Variants in RNF220 observed in about 807,000 individuals in gnomAD.
RNF220 encodes the protein ring finger protein 220.
In RNF220, 7 loss-of-function variants were observed where a neutral mutation model predicts 67.1. That is an observed-to-expected ratio of 0.10 (90% CI 0.06 to 0.20). The LOEUF is 0.20. Ranked by LOEUF, RNF220 falls within the 10% of genes least tolerant of loss-of-function variation. RNF220 has a pLI of 1.00. For missense variants in RNF220, 565 were observed against 740.3 expected, an observed-to-expected ratio of 0.76 and a Z score of 2.75; for synonymous variants, 270 against 283.2, an observed-to-expected ratio of 0.95 and a Z score of 0.47.
chr1:44,422,404 T>C (rs1649325631), intron 2 of RNF220, among the ~76,000 whole-genome samples: 1 of 152,038 alleles, frequency 6.6e-6, no homozygotes, highest in Non-Finnish European at 1.5e-5. Context: ...GCCAACCTGG[T>C]GGGGCTTCAT....
intron 2 of RNF220, among the ~76,000 whole-genome samples, chr1:44,442,335 A>T (rs1420409715): frequency 6.6e-6 from 1 of 151,562 alleles, no homozygotes; most frequent in East Asian, 1.9e-4. Context: ...TAGAGATGGG[A>T]TTTCGCCATG....
chr1:44,509,494 G>T (rs1658751593), intron 2 of RNF220, among the ~76,000 whole-genome samples: 1 of 150,890 alleles, frequency 6.6e-6, no homozygotes, highest in African/African-American at 2.4e-5. Flanking sequence ...AGCTTGCAGT[G>T]AGCTGAGATC....
chr1:44,478,169 G>A (rs917296276), intron 2 of RNF220, among the ~76,000 whole-genome samples: 1 of 151,864 alleles, frequency 6.6e-6, no homozygotes, highest in Non-Finnish European at 1.5e-5. Context: ...TAGTAGAGAC[G>A]GGGTTTCACC....
chr1:44,650,148 AG>A lies in RNF220; in HGVS notation c.1629+193del. 9.5e-6 allele frequency: 6 copies of A among 628,502 alleles called. No homozygotes were observed. The South Asian group carries it at 1.2e-4, about 12-fold the overall frequency. 38.9% of individuals were successfully genotyped at this position (628,502 alleles called of 1,614,324 possible). On this transcript the variant is annotated intron_variant, in intron 14 of 14. Coordinates refer to ENST00000361799, the MANE Select transcript of RNF220 (RefSeq NM_018150.4). This position sits in a 1 kb window ranked among gnomAD's most constrained non-coding sequence, Gnocchi z 4.3. ...GCCTCTCCTCCCCAACTGCAGGTTT[AG>A]GAACTTCTCCCCCTCCATGAGTTCA...
chr1:44,550,627 A>C (rs1662552434), intron 2 of RNF220, among the ~76,000 whole-genome samples: 1 of 152,186 alleles, frequency 6.6e-6, no homozygotes, highest in Non-Finnish European at 1.5e-5. Flanking sequence ...CCTCTCTACA[A>C]TACAAAATCA....
rs138138271 is a variant in RNF220, at chr1:44,581,106, G to A, written c.626-33059G>A. Among the ~76,000 whole-genome samples the A allele has an allele frequency of 5.4e-3, 826 of 152,318 alleles. 4 individuals carry two copies. The highest frequency in any genetic ancestry group is 0.019 in the African/African-American group (797 of 41,576). On this transcript the variant is annotated intron_variant, in intron 2 of 14. Transcript: ENST00000361799. The stretch of plus-strand genomic sequence containing the variant: ...GAGTGTCCGGAAGGACTGCCTGTCT[G>A]GTGCTGATCGGGGAAGGTTCATTTG...
chr1:44,529,918 G>A (rs1660700931), intron 2 of RNF220, among the ~76,000 whole-genome samples: 1 of 152,082 alleles, frequency 6.6e-6, no homozygotes, highest in South Asian at 2.1e-4. Context: ...GCAGGGCATG[G>A]TGGTGGGCGC....
intron 2 of RNF220, among the ~76,000 whole-genome samples, chr1:44,586,522 G>A (rs270713): frequency 0.4 from 61,098 of 151,826 alleles, 13,094 homozygotes; most frequent in Middle Eastern, 0.58. Flanking sequence ...GAGCTGCTGC[G>A]GATGACACCA....
chr1:44,463,091 C>T (rs1015270352), intron 2 of RNF220, among the ~76,000 whole-genome samples: 10 of 152,142 alleles, frequency 6.6e-5, no homozygotes, highest in Non-Finnish European at 1.3e-4. Flanking sequence ...AATCCCAGCA[C>T]TTTGGGAGAC....
chr1:44,485,347 A>T (rs1373899700), intron 2 of RNF220, among the ~76,000 whole-genome samples: 1 of 152,210 alleles, frequency 6.6e-6, no homozygotes, highest in South Asian at 2.1e-4. Flanking sequence ...CTAATAACAA[A>T]AACAAATGGG....
chr1:44,498,887 G>A (rs1388667347), intron 2 of RNF220, among the ~76,000 whole-genome samples: 2 of 152,110 alleles, frequency 1.3e-5, no homozygotes, highest in African/African-American at 4.8e-5. Context: ...TGCTCATTTG[G>A]TTCCTTGACC....
intron 2 of RNF220, among the ~76,000 whole-genome samples, chr1:44,487,346 A>G (rs1656403618): frequency 6.6e-6 from 1 of 151,412 alleles, no homozygotes; most frequent in South Asian, 2.1e-4. Context: ...AAAATAAATA[A>G]ATAAATAAAT....
In RNF220 at chr1:44,650,675, G is replaced by A. The variant is rs1359084834; in HGVS notation, c.1630-29G>A. On this transcript the variant is annotated intron_variant, in intron 14 of 14. Transcript: ENST00000361799. This position sits in a 1 kb window ranked among gnomAD's most constrained non-coding sequence, Gnocchi z 4.3. ...ATGCGCACACATGGCTCATTGTGTA[G>A]ACCAGAGCCCTCCCTGTTCTCCCTG... 1 of 1,611,466 alleles carries A rather than the reference G, an allele frequency of 6.2e-7. No individual in the cohort carries two copies. Among genetic ancestry groups the A allele is most frequent in the Non-Finnish European group, 8.5e-7 (1 of 1,177,902 alleles).
chr1:44,445,705 C>T (rs1185858823), intron 2 of RNF220, among the ~76,000 whole-genome samples: 4 of 150,596 alleles, frequency 2.7e-5, no homozygotes, highest in Non-Finnish European at 5.9e-5. Flanking sequence ...ACCAACTCTC[C>T]TTCTTATCCC....
At chr1:44,553,853 G>GTTAC (rs764528168) in intron 2 of RNF220, among the ~76,000 whole-genome samples, 2 of 152,194 alleles carry the variant, frequency 1.3e-5, no homozygotes, top group African/African-American at 2.4e-5. Context: ...CAGGGGAGCT[G>GTTAC]TTACTACCCC....
rs992222877 is a variant in RNF220 at position 44,624,196 on chromosome 1, C to G, written c.804+1409C>G. On this transcript the variant is annotated intron_variant, in intron 4 of 14. Coordinates refer to ENST00000361799, the MANE Select transcript of RNF220 (RefSeq NM_018150.4). The surrounding 1 kb of genome is among the most constrained non-coding windows in gnomAD (Gnocchi z 4.2). Reference sequence around the variant, plus strand: ...GGCAGCTGCAGACTCACAGAGGTAGCGAGCTACACTCACTGAGTGTGGCCC... The same window carrying G: ...GGCAGCTGCAGACTCACAGAGGTAGGGAGCTACACTCACTGAGTGTGGCCC... Among the ~76,000 whole-genome samples the G allele has an allele frequency of 6.6e-6, 1 of 152,114 alleles. No homozygotes were observed. Among genetic ancestry groups the G allele is most frequent in the Non-Finnish European group, 1.5e-5 (1 of 68,018 alleles).
chr1:44,437,447 CTG>C (rs935035688), intron 2 of RNF220, among the ~76,000 whole-genome samples: 6 of 151,690 alleles, frequency 4.0e-5, no homozygotes, highest in Non-Finnish European at 8.9e-5. Flanking sequence ...TTTTATTTCC[CTG>C]TGATTTTTCT....
At chr1:44,494,272 G>A (rs923969690) in intron 2 of RNF220, among the ~76,000 whole-genome samples, 1 of 150,858 alleles carries the variant, frequency 6.6e-6, no homozygotes, top group African/African-American at 2.4e-5. Flanking sequence ...TGGTGGAGAA[G>A]GGATGAAGGG....
chr1:44,575,248 C>T (rs982376036), intron 2 of RNF220, among the ~76,000 whole-genome samples: 2 of 152,174 alleles, frequency 1.3e-5, no homozygotes, highest in East Asian at 3.8e-4. Flanking sequence ...TTTTTAGCTC[C>T]CACATATCAG....
Sources: allele counts gnomAD v4.1 joint callset (sites outside exome capture counted in the v4.1 genomes callset), GRCh38; gene constraint gnomAD v4.1.1; non-coding constraint Gnocchi (gnomAD v3.1); transcripts MANE v1.5; gene names NCBI Gene and HGNC (gene_info 2026-07-23, HGNC 2026-07-21).